Variants in PLCL1 observed in about 807,000 individuals in gnomAD.
PLCL1 encodes inactive phospholipase C-like protein 1.
A neutral mutation model predicts 84.4 loss-of-function variants in PLCL1; 41 were observed. That is an observed-to-expected ratio of 0.49 (90% CI 0.38 to 0.63). PLCL1 has a LOEUF of 0.63. Ranked by LOEUF, PLCL1 falls within the 30% of genes least tolerant of loss-of-function variation. The pLI, the probability that PLCL1 is intolerant of heterozygous loss-of-function variation, is 0.00. For synonymous variants in PLCL1, 490 were observed against 488.3 expected (o/e 1.00, Z -0.05); for missense variants, 1,206 against 1,367.8 (o/e 0.88, Z 1.87).
chr2:197,934,698 T>A (rs1322858963), intron 1 of PLCL1, among the ~76,000 whole-genome samples: 1 of 152,186 alleles, frequency 6.6e-6, no homozygotes, highest in Non-Finnish European at 1.5e-5. Flanking sequence ...GTATACCAAG[T>A]AATGTTTTCA....
intron 2 of PLCL1, among the ~76,000 whole-genome samples, chr2:198,087,439 G>A (rs1163203590): frequency 6.6e-6 from 1 of 152,156 alleles, no homozygotes; most frequent in African/African-American, 2.4e-5. Flanking sequence ...TACCTGCAAT[G>A]TGCAAAGTGG....
intron 3 of PLCL1, among the ~76,000 whole-genome samples, chr2:198,089,833 A>G (rs1692976910): frequency 6.6e-6 from 1 of 152,126 alleles, no homozygotes; most frequent in Non-Finnish European, 1.5e-5. Context: ...AAAATTAAAA[A>G]CATTTAACTT....
At chr2:198,006,890 T>G (rs1690741213) in intron 1 of PLCL1, among the ~76,000 whole-genome samples, 6 of 152,224 alleles carry the variant, frequency 3.9e-5, no homozygotes, top group Admixed American at 3.9e-4. Context: ...TAAAGGCACC[T>G]GCTTTCATTT....
chr2:198,019,423 A>G (rs1206931316), intron 1 of PLCL1, among the ~76,000 whole-genome samples: 1 of 152,212 alleles, frequency 6.6e-6, no homozygotes. Flanking sequence ...GAAGGTGGGT[A>G]ATAACAAAAT....
At chr2:198,093,454 G>A (rs868549657) in intron 3 of PLCL1, among the ~76,000 whole-genome samples, 3 of 151,998 alleles carry the variant, frequency 2.0e-5, no homozygotes, top group African/African-American at 4.8e-5. Context: ...GAAACTTCTC[G>A]TAAAAATACA....
At chr2:198,067,163 T>A (rs927433983) in intron 1 of PLCL1, among the ~76,000 whole-genome samples, 14 of 151,042 alleles carry the variant, frequency 9.3e-5, no homozygotes, top group Non-Finnish European at 4.4e-5. Flanking sequence ...AGTTTTGCTC[T>A]TGTCACCCAG....
chr2:198,095,856 T>A (rs1327481006), intron 3 of PLCL1, among the ~76,000 whole-genome samples: 1 of 152,234 alleles, frequency 6.6e-6, no homozygotes, highest in Non-Finnish European at 1.5e-5. Flanking sequence ...CGTTTTATTC[T>A]GTGTAACCAA....
chr2:198,010,768 A>G (rs1690850034), intron 1 of PLCL1, among the ~76,000 whole-genome samples: 1 of 151,200 alleles, frequency 6.6e-6, no homozygotes, highest in Non-Finnish European at 1.5e-5. Flanking sequence ...CAGAGAAGCC[A>G]CATGGTCCTG....
At chr2:197,964,375 G>A (rs1483565629) in intron 1 of PLCL1, among the ~76,000 whole-genome samples, 1 of 152,000 alleles carries the variant, frequency 6.6e-6, no homozygotes, top group African/African-American at 2.4e-5. Context: ...AAATGGGATT[G>A]CTTCATTGAT....
chr2:197,829,496 TTA>T (rs538294724), intron 1 of PLCL1, among the ~76,000 whole-genome samples: 60 of 152,324 alleles, frequency 3.9e-4, no homozygotes, highest in African/African-American at 1.4e-3. Context: ...TTTTTAAATT[TTA>T]TGTTAAGAAA....
intron 1 of PLCL1, among the ~76,000 whole-genome samples, chr2:197,921,985 T>C (rs1427003638): frequency 1.3e-5 from 2 of 149,530 alleles, no homozygotes; most frequent in Non-Finnish European, 3.0e-5. Flanking sequence ...CAAGTGCAGG[T>C]TGATTGATAA....
At chr2:197,928,892 C>A (rs1224288460) in intron 1 of PLCL1, among the ~76,000 whole-genome samples, 1 of 152,154 alleles carries the variant, frequency 6.6e-6, no homozygotes, top group Non-Finnish European at 1.5e-5. Flanking sequence ...AGAAAAATAC[C>A]TGGAAAAATA....
intron 1 of PLCL1, among the ~76,000 whole-genome samples, chr2:198,053,943 G>A (rs1337323779): frequency 6.6e-6 from 1 of 152,198 alleles, no homozygotes; most frequent in African/African-American, 2.4e-5. Context: ...GTGTATTGCA[G>A]CTGCAGGAGT....
intron 1 of PLCL1, among the ~76,000 whole-genome samples, chr2:197,823,312 G>A (rs1690854415): frequency 6.6e-6 from 1 of 152,092 alleles, no homozygotes; most frequent in South Asian, 2.1e-4. Context: ...ACCATTAAAA[G>A]GCCCTAGAAT....
chr2:198,120,657 CTTTTTTATGGCTGAA>C (rs1251278739), intron 5 of PLCL1, among the ~76,000 whole-genome samples: 2 of 152,002 alleles, frequency 1.3e-5, no homozygotes, highest in African/African-American at 4.8e-5. Flanking sequence ...GGATCTCAAT[CTTTTTTATGGCTGAA>C]TAGTACTCCA....
Position 197,897,200 on chromosome 2 carries a change from T to TCTC in PLCL1, c.240+91863_240+91864insCCT, listed in dbSNP as rs1559038719. Among the ~76,000 whole-genome samples, 9 of 21,812 alleles carry TCTC rather than the reference T, an allele frequency of 4.1e-4. 2 individuals carry two copies. Among genetic ancestry groups the TCTC allele is most frequent in the Admixed American group, 1.6e-3 (3 of 1,928 alleles). 14.3% of individuals were successfully genotyped at this position (21,812 alleles called of 152,430 possible). The stretch of plus-strand genomic sequence containing the variant: ...TTCTTCTTCTTCTTCTCCTTCTCCT[T>TCTC]CTTCTTTCTTCTTCCTCTTCTTCCT... On this transcript the variant is annotated intron_variant, in intron 1 of 5. Transcript: ENST00000428675.
intron 3 of PLCL1, among the ~76,000 whole-genome samples, chr2:198,096,937 C>T (rs758108317): frequency 2.0e-5 from 3 of 152,114 alleles, no homozygotes; most frequent in Non-Finnish European, 2.9e-5. Flanking sequence ...ATATATTCAG[C>T]CTCAGGATGG....
chr2:198,127,281 T>G (rs1694011059), intron 5 of PLCL1, among the ~76,000 whole-genome samples: 1 of 152,150 alleles, frequency 6.6e-6, no homozygotes, highest in Non-Finnish European at 1.5e-5. Context: ...GAGGAAAGAA[T>G]GTTGTCTTAT....
At chr2:198,035,995 C>T (rs901454199) in intron 1 of PLCL1, among the ~76,000 whole-genome samples, 1 of 152,166 alleles carries the variant, frequency 6.6e-6, no homozygotes, top group African/African-American at 2.4e-5. Flanking sequence ...CAAGATTGTG[C>T]CACTGTACTC....
Sources: gnomAD v4.1 joint callset for allele counts (sites outside exome capture counted in the v4.1 genomes callset) on GRCh38, gnomAD v4.1.1 for gene constraint, MANE v1.5 for transcripts, NCBI Gene and HGNC (gene_info 2026-07-23, HGNC 2026-07-21) for gene names.